Variants in SLC60A1 observed in about 807,000 individuals in gnomAD.
SLC60A1 encodes the protein solute carrier family 60 member 1, also known as major facilitator superfamily domain containing 4.
the SLC60A1 span, among the ~76,000 whole-genome samples, chr1:205,596,024 G>A: frequency 3.9e-5 from 6 of 152,268 alleles, no homozygotes; most frequent in African/African-American, 1.4e-4. Context: ...TGGGTAGGGT[G>A]GGGCAGTGAA....
the SLC60A1 span, among the ~76,000 whole-genome samples, chr1:205,594,727 T>C: frequency 6.6e-6 from 1 of 152,132 alleles, no homozygotes; most frequent in African/African-American, 2.4e-5. Flanking sequence ...TTTCTTACTG[T>C]CCCTGCCTAA....
chr1:205,597,218 G>T, the SLC60A1 span, among the ~76,000 whole-genome samples: 1 of 152,310 alleles, frequency 6.6e-6, no homozygotes, highest in African/African-American at 2.4e-5. Flanking sequence ...CTGAGATATT[G>T]ATGAGCAATT....
the SLC60A1 span, among the ~76,000 whole-genome samples, chr1:205,599,548 G>T: frequency 6.6e-6 from 1 of 152,152 alleles, no homozygotes; most frequent in Non-Finnish European, 1.5e-5. Flanking sequence ...CATGTCATGG[G>T]ACCATGAGCC....
the SLC60A1 span, among the ~76,000 whole-genome samples, chr1:205,588,338 C>T: frequency 7.2e-5 from 11 of 151,924 alleles, no homozygotes; most frequent in Admixed American, 2.6e-4. Flanking sequence ...GGCGTGGTGG[C>T]GCCTGCCTGT....
the SLC60A1 span, among the ~76,000 whole-genome samples, chr1:205,599,415 T>C: frequency 2.6e-5 from 4 of 152,214 alleles, no homozygotes; most frequent in Non-Finnish European, 4.4e-5. Flanking sequence ...TTTCCTCTCT[T>C]CCTGCTTTCC....
the SLC60A1 span, chr1:205,600,089 T>C: frequency 3.7e-6 from 1 of 267,410 alleles, no homozygotes; most frequent in Admixed American, 5.1e-5. Context: ...GAGACAGCAG[T>C]ACTGGTTGCA....
chr1:205,597,971 C>A, the SLC60A1 span: 2 of 1,025,780 alleles, frequency 1.9e-6, no homozygotes, highest in Non-Finnish European at 1.5e-6. Flanking sequence ...CCAGCAAAGC[C>A]AGCAGGGCCC....
chr1:205,586,160 C>T, the SLC60A1 span: 1 of 1,613,840 alleles, frequency 6.2e-7, no homozygotes, highest in South Asian at 1.1e-5. Context: ...CCTCTCCATT[C>T]CCATATCCTC....
the SLC60A1 span, chr1:205,580,028 C>G: frequency 5.5e-6 from 8 of 1,449,290 alleles, no homozygotes; most frequent in East Asian, 2.0e-4. The surrounding 1 kb of genome is among the most constrained non-coding windows in gnomAD (Gnocchi z 5.0). Context: ...TCTCTCCCAG[C>G]CTCCTCCCCC....
At chr1:205,577,293 C>T in the SLC60A1 span, among the ~76,000 whole-genome samples, 2 of 147,324 alleles carry the variant, frequency 1.4e-5, no homozygotes, top group African/African-American at 5.0e-5. This position sits in a 1 kb window ranked among gnomAD's most constrained non-coding sequence, Gnocchi z 5.2. Flanking sequence ...GTGCCCAGTC[C>T]CTTCTACCAG....
At chr1:205,596,652 T>C in the SLC60A1 span, among the ~76,000 whole-genome samples, 1 of 143,748 alleles carries the variant, frequency 7.0e-6, no homozygotes, top group Non-Finnish European at 1.5e-5. Flanking sequence ...TGCTGAAGCC[T>C]GGAGGTGAGA....
At chr1:205,579,703 G>A in the SLC60A1 span, 15,907 of 1,598,522 alleles carry the variant, frequency 1.0e-2, 114 homozygotes, top group Non-Finnish European at 0.012. Context: ...AGAAGGGGGA[G>A]GGGATGCTTC....
the SLC60A1 span, chr1:205,592,311 A>T: frequency 1.3e-6 from 2 of 1,594,396 alleles, no homozygotes; most frequent in East Asian, 4.5e-5. Context: ...CCGAGCCAGG[A>T]GGCGCGCTCT....
chr1:205,580,641 C>CCCCACACCA, the SLC60A1 span: 1 of 1,588,838 alleles, frequency 6.3e-7, no homozygotes, highest in Non-Finnish European at 8.6e-7. This position sits in a 1 kb window ranked among gnomAD's most constrained non-coding sequence, Gnocchi z 5.0. Flanking sequence ...CCCCACCCGC[C>CCCCACACCA]ACCTCTCCTC....
the SLC60A1 span, chr1:205,583,899 C>G: frequency 6.3e-7 from 1 of 1,575,446 alleles, no homozygotes; most frequent in South Asian, 1.2e-5. Context: ...AGAGGCCAGG[C>G]GTGGGAAGGG....
chr1:205,597,821 G>A, the SLC60A1 span: 4 of 1,614,022 alleles, frequency 2.5e-6, no homozygotes, highest in Non-Finnish European at 3.4e-6. Flanking sequence ...AGGAGTTGGC[G>A]AGATGGTGCT....
the SLC60A1 span, chr1:205,569,145 T>C: frequency 6.5e-7 from 1 of 1,535,808 alleles, no homozygotes; most frequent in Non-Finnish European, 8.8e-7. Flanking sequence ...GAGCGTCTTC[T>C]TCAGCTTCGG....
the SLC60A1 span, chr1:205,580,630 C>G: frequency 6.3e-7 from 1 of 1,581,302 alleles, no homozygotes; most frequent in Non-Finnish European, 8.6e-7. The surrounding 1 kb of genome is among the most constrained non-coding windows in gnomAD (Gnocchi z 5.0). Flanking sequence ...CTGACCCCCA[C>G]CCCCACCCGC....
At chr1:205,571,276 G>A in the SLC60A1 span, among the ~76,000 whole-genome samples, 13 of 152,212 alleles carry the variant, frequency 8.5e-5, no homozygotes, top group African/African-American at 2.7e-4. Context: ...GTTAAGAAGA[G>A]GCCTAGACAG....
Sources: allele counts gnomAD v4.1 joint callset (sites outside exome capture counted in the v4.1 genomes callset), GRCh38; gene constraint gnomAD v4.1.1; non-coding constraint Gnocchi (gnomAD v3.1); transcripts MANE v1.5; gene names NCBI Gene and HGNC (gene_info 2026-07-23, HGNC 2026-07-21).